GID4: variants seen among roughly 807,000 people sequenced by gnomAD.
GID4 encodes GID complex subunit 4 homolog.
A neutral mutation model predicts 32.4 loss-of-function variants in GID4; 7 were observed. That is an observed-to-expected ratio of 0.22 (90% CI 0.12 to 0.41). GID4 has a LOEUF of 0.41. Among genes scored for constraint, GID4 ranks in the 10% least tolerant of loss-of-function variants. The pLI, the probability that GID4 is intolerant of heterozygous loss-of-function variation, is 1.00. For missense variants in GID4, 309 were observed against 400.0 expected (o/e 0.77, Z 1.94); for synonymous variants, 166 against 170.0 (o/e 0.98, Z 0.18).
chr17:18,041,134 C>G (rs1252783431), intron 1 of GID4, among the ~76,000 whole-genome samples: 1 of 152,146 alleles, frequency 6.6e-6, no homozygotes, highest in Non-Finnish European at 1.5e-5. Flanking sequence ...ATCTGCCAGG[C>G]TGTTCCCAGA....
chr17:18,051,207 T>C (rs1441244380), intron 2 of GID4, among the ~76,000 whole-genome samples: 1 of 152,076 alleles, frequency 6.6e-6, no homozygotes, highest in African/African-American at 2.4e-5. Flanking sequence ...GGTCTTACTA[T>C]GTTGCCCAAG....
At chr17:18,060,915 A>G (rs961597143) in intron 4 of GID4, among the ~76,000 whole-genome samples, 6 of 152,008 alleles carry the variant, frequency 3.9e-5, no homozygotes, top group African/African-American at 1.5e-4. Context: ...TTGTATTTTT[A>G]GTAGAGACGG....
At chr17:18,062,312 G>A (rs1429541833) in intron 5 of GID4, 2 of 268,960 alleles carry the variant, frequency 7.4e-6, no homozygotes, top group African/African-American at 4.3e-5. Flanking sequence ...AATGTGAATT[G>A]ATCCAGTACT....
At chr17:18,054,087 C>G (rs372108881) in intron 2 of GID4, 40 bp from the exon 3 acceptor site, 19 of 1,111,374 alleles carry the variant, frequency 1.7e-5, no homozygotes, top group Admixed American at 3.8e-5. Context: ...TAAAAACTCT[C>G]ACTCAACATC....
chr17:18,059,022 C>T (rs556569315), intron 4 of GID4, 53 bp downstream of exon 4: 20 of 993,952 alleles, frequency 2.0e-5, no homozygotes, highest in Non-Finnish European at 2.6e-5. Flanking sequence ...GGCCCTGTAT[C>T]GCACCTACAT....
At position 18,039,706 on chromosome 17, in the gene GID4, A is replaced by T. The variant is rs762112011; in HGVS notation, c.242A>T (p.Asp81Val). 1 of 1,445,516 alleles carries T rather than the reference A, an allele frequency of 6.9e-7. No individual in the cohort carries two copies. Among genetic ancestry groups the T allele is most frequent in the South Asian group, 1.3e-5 (1 of 75,732 alleles). 89.5% of individuals were successfully genotyped at this position (1,445,516 alleles called of 1,614,324 possible). Residue 81 changes from aspartate (D) to valine (V), a missense_variant, in exon 1 of 6, where the codon GAC becomes GTC. Physicochemically the swap from Asp to Val is radical, Grantham distance 152. This residue lies in a region of GID4 where 193 missense variants were observed against 185.8 expected (regional missense o/e 1.04). Transcript: ENST00000268719. The surrounding 1 kb of genome is among the most constrained non-coding windows in gnomAD (Gnocchi z 5.3). ...CTCCCCCCAGCCCTGGCTCCGGGGGACCCCGCGATGCCGGTCCGCACCGAG... is the reference window on the plus strand; with the variant it reads ...CTCCCCCCAGCCCTGGCTCCGGGGGTCCCCGCGATGCCGGTCCGCACCGAG... Reference protein sequence around the residue: ...LPLPPALAPGDPAMPVRTECP... With the variant: ...LPLPPALAPGVPAMPVRTECP...
At chr17:18,048,404 G>A (rs2044876410) in intron 2 of GID4, among the ~76,000 whole-genome samples, 1 of 152,120 alleles carries the variant, frequency 6.6e-6, no homozygotes, top group South Asian at 2.1e-4. Flanking sequence ...ATGTTGGCCA[G>A]ACTGGTCTCG....
At chr17:18,064,475 C>T (rs928521601) in intron 5 of GID4, among the ~76,000 whole-genome samples, 1 of 152,284 alleles carries the variant, frequency 6.6e-6, no homozygotes, top group South Asian at 2.1e-4. Context: ...TTCCTACGTT[C>T]TTCCACACTC....
intron 3 of GID4, among the ~76,000 whole-genome samples, chr17:18,056,082 A>G (rs1435555448): frequency 1.3e-5 from 2 of 150,578 alleles, no homozygotes; most frequent in African/African-American, 4.9e-5. Flanking sequence ...CTTGAACTCC[A>G]GGCCTCAAGT....
At chr17:18,040,325 G>C (rs2044781826) in intron 1 of GID4, among the ~76,000 whole-genome samples, 1 of 152,074 alleles carries the variant, frequency 6.6e-6, no homozygotes, top group Non-Finnish European at 1.5e-5. Flanking sequence ...CCCATGTCTG[G>C]GCCCACGTCA....
At position 18,066,934 on chromosome 17, in the gene GID4, G is replaced by C. The variant is rs955237481; in HGVS notation, c.*1691G>C. 9.8e-5 allele frequency: 15 copies of C among 152,314 alleles called. No homozygotes were observed. Among genetic ancestry groups the C allele is most frequent in the Non-Finnish European group, 1.8e-4 (12 of 68,042 alleles). 9.4% of individuals were successfully genotyped at this position (152,314 alleles called of 1,614,324 possible). A position where few individuals can be genotyped will look rare whatever the true frequency, so the allele number is the denominator to read the frequency against. On this transcript the variant is annotated 3_prime_UTR_variant, in exon 6 of 6. Transcript: ENST00000268719. ...GCAACCTACCCATTCAGGAAGGTCAGGGCTTTGGAACCCTAAAAAGTTGGC... is the reference window on the plus strand; with the variant it reads ...GCAACCTACCCATTCAGGAAGGTCACGGCTTTGGAACCCTAAAAAGTTGGC...
At chr17:18,056,786 C>T in intron 3 of GID4, 2 of 1,550,588 alleles carry the variant, frequency 1.3e-6, no homozygotes, top group Non-Finnish European at 1.7e-6. Flanking sequence ...GAAGGCCACC[C>T]TTGGTACTGG....
At chr17:18,042,577 G>C (rs530297000) in intron 1 of GID4, among the ~76,000 whole-genome samples, 34 of 152,228 alleles carry the variant, frequency 2.2e-4, no homozygotes, top group African/African-American at 7.9e-4. Context: ...TGGACATTTG[G>C]GTTGTTTCCA....
At chr17:18,053,999 G>A (rs1201933038) in intron 2 of GID4, 128 bp from the exon 3 acceptor site, 1 of 522,660 alleles carries the variant, frequency 1.9e-6, no homozygotes, top group Admixed American at 3.5e-5. Flanking sequence ...ATCTAACTCT[G>A]GTTTGGATTG....
chr17:18,049,412 A>C (rs898649500), intron 2 of GID4, among the ~76,000 whole-genome samples: 6 of 148,586 alleles, frequency 4.0e-5, no homozygotes, highest in Non-Finnish European at 5.9e-5. Flanking sequence ...CCTCACATTC[A>C]CAAACAAGCA....
intron 2 of GID4, among the ~76,000 whole-genome samples, chr17:18,045,877 G>A (rs2044848221): frequency 6.8e-6 from 1 of 146,098 alleles, no homozygotes; most frequent in Non-Finnish European, 1.5e-5. Flanking sequence ...GGGCAACAGA[G>A]CAAGACCCTG....
rs184200425 is a variant in GID4 at position 18,041,059 on chromosome 17, C to T, written c.438+1157C>T. ...CAAAACTCTTCCTCCTCTATACCTACCCCTGCCTGACTAAGGACCCCTTTC... is the reference window on the plus strand; with the variant it reads ...CAAAACTCTTCCTCCTCTATACCTATCCCTGCCTGACTAAGGACCCCTTTC... On this transcript the variant is annotated intron_variant, in intron 1 of 5. Transcript: ENST00000268719. Among the ~76,000 whole-genome samples, 11 of 152,232 alleles carry T rather than the reference C, an allele frequency of 7.2e-5. 1 individual carries two copies. The East Asian group carries it at 1.7e-3, about 24-fold the overall frequency.
intron 2 of GID4, among the ~76,000 whole-genome samples, chr17:18,047,137 A>G (rs553398323): frequency 4.6e-5 from 7 of 152,196 alleles, no homozygotes; most frequent in Non-Finnish European, 7.3e-5. Flanking sequence ...CTGATTAAGG[A>G]TCTCCTATGA....
chr17:18,056,245 G>A (rs879752994), intron 3 of GID4, among the ~76,000 whole-genome samples: 32 of 152,334 alleles, frequency 2.1e-4, no homozygotes, highest in African/African-American at 3.4e-4. Context: ...TTTTTAAAGC[G>A]TTTTTTGAAT....
Sources: gnomAD v4.1 joint callset for allele counts (sites outside exome capture counted in the v4.1 genomes callset) on GRCh38, gnomAD v4.1.1 for gene constraint, gnomAD v4.1.1 regional missense constraint, Gnocchi (gnomAD v3.1) non-coding constraint, MANE v1.5 for transcripts, NCBI Gene and HGNC (gene_info 2026-07-23, HGNC 2026-07-21) for gene names.